EIF5A2: variants seen among roughly 807,000 people sequenced by gnomAD.
The protein encoded by EIF5A2 is eukaryotic translation initiation factor 5A2.
A neutral mutation model predicts 16.4 loss-of-function variants in EIF5A2; 15 were observed. That is an observed-to-expected ratio of 0.92 (90% confidence interval 0.61 to 1.41). The LOEUF (loss-of-function observed/expected upper bound fraction) is 1.41, where lower values mean the gene tolerates loss of function less well. Among genes scored for constraint, EIF5A2 ranks in the 40% most tolerant of loss-of-function variants. The pLI, the probability that EIF5A2 is intolerant of heterozygous loss-of-function variation, is 0.00. For synonymous variants in EIF5A2, 48 were observed against 61.1 expected, an observed-to-expected ratio of 0.79 and a Z score of 1.00; for missense variants, 144 against 189.5, an observed-to-expected ratio of 0.76 and a Z score of 1.41.
chr3:170,908,440 TTCTC>T (rs891268737), intron 1 of EIF5A2, 99 bp downstream of exon 1: 2 of 152,870 alleles, frequency 1.3e-5, no homozygotes, highest in Admixed American at 6.5e-5. Context: ...TTCTCCTTCT[TTCTC>T]TCGGTCAGCG....
At chr3:170,905,536 T>C (rs930965879) in intron 3 of EIF5A2, among the ~76,000 whole-genome samples, 2 of 152,258 alleles carry the variant, frequency 1.3e-5, no homozygotes, top group Non-Finnish European at 2.9e-5. Flanking sequence ...AAACCCAATT[T>C]TGACAACATT....
intron 3 of EIF5A2, among the ~76,000 whole-genome samples, chr3:170,897,538 T>G (rs940333852): frequency 3.9e-5 from 6 of 152,178 alleles, no homozygotes; most frequent in African/African-American, 1.4e-4. Flanking sequence ...GGCTGTTGCT[T>G]CAGAGAGTGT....
Position 170,891,713 on chromosome 3 carries a change from T to C in EIF5A2, c.*1647A>G, listed in dbSNP as rs987860184. ...GAGAATTAAGGTATTTCTGAGATAG[T>C]GATTTTGTTCTATGTTTTGCTCCAA... On this transcript the variant is annotated 3_prime_UTR_variant, in exon 5 of 5. Transcript: ENST00000295822. 3 of 152,598 alleles carry C rather than the reference T, an allele frequency of 2.0e-5. No individual in the cohort carries two copies. Among genetic ancestry groups the C allele is most frequent in the African/African-American group, 7.2e-5 (3 of 41,440 alleles). 9.5% of individuals were successfully genotyped at this position (152,598 alleles called of 1,614,324 possible). A position where few individuals can be genotyped will look rare whatever the true frequency, so the allele number is the denominator to read the frequency against.
chr3:170,897,947 C>T lies in EIF5A2; in HGVS notation c.271-3524G>A, dbSNP rs1266584025. On this transcript the variant is annotated intron_variant, in intron 3 of 4. Transcript: ENST00000295822. ...GCTGCCCAAGACCTTGGGAGCCTAC[C>T]TTTTGGATCAGTGTGCCCTGGATGT... 3.3e-5 allele frequency among the ~76,000 whole-genome samples: 5 copies of T among 152,166 alleles called. No individual in the cohort carries two copies. In the East Asian group the frequency reaches 9.6e-4, roughly 29 times the overall value.
intron 3 of EIF5A2, among the ~76,000 whole-genome samples, chr3:170,898,352 A>G (rs901860108): frequency 3.9e-5 from 6 of 152,232 alleles, no homozygotes; most frequent in African/African-American, 1.4e-4. Flanking sequence ...GTCCTCACCC[A>G]AATCTCATCT....
At chr3:170,904,702 C>T (rs1204484146) in intron 3 of EIF5A2, among the ~76,000 whole-genome samples, 1 of 152,088 alleles carries the variant, frequency 6.6e-6, no homozygotes, top group African/African-American at 2.4e-5. Context: ...GGCGTCTCAC[C>T]ACATTGCCCA....
rs1475910462 is a variant in EIF5A2, at chr3:170,891,739, TATG to T, written c.*1618_*1620del. 1 of 152,588 alleles carries T rather than the reference TATG, an allele frequency of 6.6e-6. No individual in the cohort carries two copies. The highest frequency in any genetic ancestry group is 1.9e-4 in the East Asian group (1 of 5,190). The allele number at this position is 152,588 out of a possible 1,614,324, so 9.5% of individuals were successfully genotyped here. A position where few individuals can be genotyped will look rare whatever the true frequency, so the allele number is the denominator to read the frequency against. On this transcript the variant is annotated 3_prime_UTR_variant, in exon 5 of 5. Coordinates refer to ENST00000295822, the MANE Select transcript of EIF5A2 (RefSeq NM_020390.6). The stretch of plus-strand genomic sequence containing the variant: ...GATTTTGTTCTATGTTTTGCTCCAA[TATG>T]ATGATTGTCACTGAGTCAAAGGTCC...
chr3:170,893,758 C>T (rs373277241), intron 4 of EIF5A2, among the ~76,000 whole-genome samples: 2 of 152,304 alleles, frequency 1.3e-5, no homozygotes, highest in East Asian at 1.9e-4. Context: ...CAGGGCTGGG[C>T]GCCTTGCTCA....
chr3:170,894,310 A>G lies in EIF5A2; in HGVS notation c.384T>C (p.Asn128=). The change falls in exon 4 of 5, where the codon AAT becomes AAC. Residue 128 remains asparagine, a synonymous_variant. Coordinates refer to ENST00000295822, the MANE Select transcript of EIF5A2 (RefSeq NM_020390.6). ...TCTTTACCTGTACATCTTCACCTGC[A>G]TTGTATTTTCCCTCTATTTCTTTGC... ...ELGKEIEGKY[N]AGEDVQVSVM... 1 of 1,613,832 alleles carries G rather than the reference A, an allele frequency of 6.2e-7. No homozygotes were observed. Among genetic ancestry groups the G allele is most frequent in the Non-Finnish European group, 8.5e-7 (1 of 1,179,870 alleles).
chr3:170,896,755 A>G (rs1253912287), intron 3 of EIF5A2, among the ~76,000 whole-genome samples: 1 of 152,258 alleles, frequency 6.6e-6, no homozygotes, highest in Non-Finnish European at 1.5e-5. Context: ...TGCTATAAAG[A>G]TGCCTGAAAA....
Position 170,906,827 on chromosome 3 carries a change from T to A in EIF5A2, c.270+162A>T, listed in dbSNP as rs554301722. 7.2e-5 allele frequency among the ~76,000 whole-genome samples: 11 copies of A among 152,334 alleles called. No homozygotes were observed. In the South Asian group the frequency reaches 2.1e-3, roughly 29 times the overall value. ...CAATAATCCTAGAAAAGTACATGTG[T>A]TAAACATCACTATTTCTCCAATTTC... On this transcript the variant is annotated intron_variant, in intron 3 of 4. Coordinates refer to ENST00000295822, the MANE Select transcript of EIF5A2 (RefSeq NM_020390.6).
At chr3:170,907,559 T>C (rs1369122316) in intron 2 of EIF5A2, 83 bp downstream of exon 2, 3 of 1,388,952 alleles carry the variant, frequency 2.2e-6, no homozygotes, top group African/African-American at 1.4e-5. Flanking sequence ...ATTTTAAGTA[T>C]AGAAATCTCA....
intron 3 of EIF5A2, among the ~76,000 whole-genome samples, chr3:170,895,926 T>C (rs1031337619): frequency 2.6e-5 from 4 of 152,228 alleles, no homozygotes; most frequent in African/African-American, 9.6e-5. Flanking sequence ...GCCTCTGCTT[T>C]AGCCTTCCAA....
Position 170,907,678 on chromosome 3 carries a change from C to A in EIF5A2, c.129G>T (p.Met43Ile). The A allele has an allele frequency of 6.2e-7, 1 of 1,607,242 alleles. No individual in the cohort carries two copies. The highest frequency in any genetic ancestry group is 8.5e-7 in the Non-Finnish European group (1 of 1,174,566). Reference sequence around the variant, plus strand: ...CATGCTTTCCAGTTTTGGAAGTTGACATCTCCACTATTTTGCATGGTCGTC... The same window carrying A: ...CATGCTTTCCAGTTTTGGAAGTTGAAATCTCCACTATTTTGCATGGTCGTC... Reference protein sequence around the residue: ...LKGRPCKIVEMSTSKTGKHGH... With the variant: ...LKGRPCKIVEISTSKTGKHGH... The change falls in exon 2 of 5, where the codon ATG becomes ATT. Residue 43 changes from methionine to isoleucine, a missense_variant. Physicochemically the swap from Met to Ile is conservative, Grantham distance 10 (BLOSUM62 1). Transcript: ENST00000295822.
intron 3 of EIF5A2, among the ~76,000 whole-genome samples, chr3:170,902,893 C>T (rs1302099903): frequency 2.6e-5 from 4 of 152,124 alleles, no homozygotes; most frequent in African/African-American, 7.2e-5. Flanking sequence ...GTGTGAGCCA[C>T]TGTGCCCGGC....
At position 170,890,021 on chromosome 3, in the gene EIF5A2, T is replaced by C. The variant is rs2108290355; in HGVS notation, c.*3339A>G. ...TTACAATTTGGGAAAATTCTGCCAA[T>C]ATATTTTCAGGCAATTAGCTTTAAA... On this transcript the variant is annotated 3_prime_UTR_variant, in exon 5 of 5. Coordinates refer to ENST00000295822, the MANE Select transcript of EIF5A2 (RefSeq NM_020390.6). The C allele has an allele frequency of 6.5e-6, 1 of 152,712 alleles. No homozygotes were observed. The highest frequency in any genetic ancestry group is 1.9e-4 in the East Asian group (1 of 5,192). The allele number at this position is 152,712 out of a possible 1,614,324, so 9.5% of individuals were successfully genotyped here. A position where few individuals can be genotyped will look rare whatever the true frequency, so the allele number is the denominator to read the frequency against.
In EIF5A2 at chr3:170,907,017, A is replaced by C. The variant is rs1560011590; in HGVS notation, c.242T>G (p.Val81Gly). 3 of 1,608,324 alleles carry C rather than the reference A, an allele frequency of 1.9e-6. No individual in the cohort carries two copies. Among genetic ancestry groups the C allele is most frequent in the Non-Finnish European group, 2.5e-6 (3 of 1,177,130 alleles). The change falls in exon 3 of 5, where the codon GTT (valine) becomes GGT (glycine). Residue 81 changes from valine (V) to glycine (G), a missense_variant. Val to Gly is a moderately radical substitution (Grantham distance 109). Coordinates refer to ENST00000295822, the MANE Select transcript of EIF5A2 (RefSeq NM_020390.6). Reference sequence around the variant, plus strand: ...ATAATCATTTCTCTTAATATTTGGAACATCCATGTTGTGAGTAGAAGGACA... The same window carrying C: ...ATAATCATTTCTCTTAATATTTGGACCATCCATGTTGTGAGTAGAAGGACA... ...DICPSTHNMD[V>G]PNIKRNDYQL...
intron 1 of EIF5A2, 61 bp from the exon 2 acceptor site, chr3:170,907,902 T>C: frequency 7.6e-7 from 1 of 1,317,808 alleles, no homozygotes; most frequent in Non-Finnish European, 1.0e-6. Context: ...AAACGTCTCA[T>C]TTCGGACAAG....
chr3:170,894,259 G>C (rs754507166), intron 4 of EIF5A2, 33 bp downstream of exon 4: 61 of 1,601,382 alleles, frequency 3.8e-5, no homozygotes, highest in Non-Finnish European at 4.9e-5. Context: ...TTATAAAATG[G>C]TTTTCAAAAA....
Sources: allele counts gnomAD v4.1 joint callset (sites outside exome capture counted in the v4.1 genomes callset), GRCh38; gene constraint gnomAD v4.1.1; transcripts MANE v1.5; gene names NCBI Gene and HGNC (gene_info 2026-07-23, HGNC 2026-07-21).